The following PDE8B variants were observed in gnomAD, a reference collection of about 807,000 sequenced individuals.
PDE8B encodes high affinity cAMP-specific and IBMX-insensitive 3',5'-cyclic phosphodiesterase 8B.
PDE8B carries 26 observed loss-of-function variants against 101.3 expected under a neutral mutation model. The ratio of observed to expected loss-of-function variants is 0.26; its 90% CI spans 0.19 to 0.36. The LOEUF (loss-of-function observed/expected upper bound fraction) is 0.36, where lower values mean the gene tolerates loss of function less well. Ranked by LOEUF, PDE8B falls within the 10% of genes least tolerant of loss-of-function variation. The pLI, the probability that PDE8B is intolerant of heterozygous loss-of-function variation, is 1.00. For missense variants in PDE8B, 810 were observed against 1,163.1 expected, an observed-to-expected ratio of 0.70 and a Z score of 4.42; for synonymous variants, 424 against 429.3, an observed-to-expected ratio of 0.99 and a Z score of 0.15.
chr5:77,182,593 C>T, the PDE8B span, among the ~76,000 whole-genome samples: 37,237 of 152,026 alleles, frequency 0.24, 6,241 homozygotes, highest in East Asian at 0.82. Context: ...AGGCCGCTTA[C>T]ATCATATCTG....
At chr5:77,275,823 A>C (rs1408967162) in intron 1 of PDE8B, among the ~76,000 whole-genome samples, 1 of 152,230 alleles carries the variant, frequency 6.6e-6, no homozygotes, top group Non-Finnish European at 1.5e-5. Flanking sequence ...GAAGAAAAAG[A>C]TATCTAACCG....
At chr5:77,391,467 G>A (rs1789908817) in intron 10 of PDE8B, among the ~76,000 whole-genome samples, 1 of 152,204 alleles carries the variant, frequency 6.6e-6, no homozygotes, top group African/African-American at 2.4e-5. Flanking sequence ...GCCCAGCAAA[G>A]GCAGGTGAGC....
At chr5:77,285,166 G>T (rs549057162) in intron 1 of PDE8B, among the ~76,000 whole-genome samples, 3 of 152,240 alleles carry the variant, frequency 2.0e-5, no homozygotes, top group African/African-American at 7.2e-5. Flanking sequence ...TTCCTACCCC[G>T]AAGTCATGAA....
intron 1 of PDE8B, among the ~76,000 whole-genome samples, chr5:77,299,427 C>G (rs1342837872): frequency 1.7e-5 from 2 of 118,018 alleles, no homozygotes; most frequent in Non-Finnish European, 3.4e-5. Flanking sequence ...CCCCCCTCCC[C>G]CCACCCCACA....
At chr5:77,304,153 G>A (rs1260708844) in intron 1 of PDE8B, among the ~76,000 whole-genome samples, 5 of 152,112 alleles carry the variant, frequency 3.3e-5, no homozygotes, top group Non-Finnish European at 5.9e-5. Context: ...CACCAACAAT[G>A]TATAAGAGTT....
intron 1 of PDE8B, among the ~76,000 whole-genome samples, chr5:77,227,307 C>A (rs1752599842): frequency 6.6e-6 from 1 of 151,772 alleles, no homozygotes; most frequent in Admixed American, 6.6e-5. Flanking sequence ...TTGTTTTTTT[C>A]CTTATATAAA....
chr5:77,353,319 C>G, intron 9 of PDE8B, 27 bp from the exon 10 acceptor site: 1 of 1,226,070 alleles, frequency 8.2e-7, no homozygotes, highest in Non-Finnish European at 1.2e-6. Context: ...ATATCTGACT[C>G]ACTAATAACT....
intron 1 of PDE8B, among the ~76,000 whole-genome samples, chr5:77,227,760 G>A (rs79879057): frequency 1.3e-5 from 2 of 152,258 alleles, no homozygotes; most frequent in African/African-American, 2.4e-5. Context: ...GGGCAGACTG[G>A]TTCAGTTCAA....
At chr5:77,382,789 T>C (rs1354631725) in intron 10 of PDE8B, among the ~76,000 whole-genome samples, 2 of 152,232 alleles carry the variant, frequency 1.3e-5, no homozygotes, top group Non-Finnish European at 2.9e-5. Flanking sequence ...GGCTGCATAG[T>C]ATTCCATGGT....
At chr5:77,097,827 C>G in the PDE8B span, among the ~76,000 whole-genome samples, 486 of 145,452 alleles carry the variant, frequency 3.3e-3, 14 homozygotes, top group East Asian at 0.076. Flanking sequence ...AGTCTTAATC[C>G]TAATACTACA....
At chr5:77,178,955 T>G in the PDE8B span, among the ~76,000 whole-genome samples, 1 of 152,230 alleles carries the variant, frequency 6.6e-6, no homozygotes, top group African/African-American at 2.4e-5. Flanking sequence ...CTAGCAAAAC[T>G]GTATAACTTA....
At chr5:77,181,037 G>A in the PDE8B span, among the ~76,000 whole-genome samples, 1 of 151,732 alleles carries the variant, frequency 6.6e-6, no homozygotes, top group East Asian at 1.9e-4. Flanking sequence ...TCCAGCGCTC[G>A]GGACTCTGCA....
At chr5:77,127,285 C>A in the PDE8B span, among the ~76,000 whole-genome samples, 24 of 152,196 alleles carry the variant, frequency 1.6e-4, no homozygotes, top group African/African-American at 5.8e-4. Flanking sequence ...GGGGAGGTTT[C>A]CCCCATGCTG....
the PDE8B span, among the ~76,000 whole-genome samples, chr5:77,164,764 G>T: frequency 6.6e-6 from 1 of 152,274 alleles, no homozygotes; most frequent in East Asian, 1.9e-4. Context: ...GTGTTGGGGG[G>T]AACATGTATC....
intron 1 of PDE8B, among the ~76,000 whole-genome samples, chr5:77,226,462 T>C (rs543105629): frequency 6.6e-6 from 1 of 152,370 alleles, no homozygotes; most frequent in Non-Finnish European, 1.5e-5. Flanking sequence ...GGCTGTACTT[T>C]GTTTTATTCA....
At chr5:77,174,068 A>G in the PDE8B span, among the ~76,000 whole-genome samples, 2 of 152,210 alleles carry the variant, frequency 1.3e-5, no homozygotes, top group Non-Finnish European at 2.9e-5. Flanking sequence ...CTTGAAGGTC[A>G]GTAGTCTGTT....
intron 1 of PDE8B, among the ~76,000 whole-genome samples, chr5:77,275,387 A>G (rs1315691215): frequency 9.1e-6 from 1 of 109,640 alleles, no homozygotes; most frequent in Non-Finnish European, 2.0e-5. Context: ...CAAAAAGAGG[A>G]CCACTTAAAA....
intron 10 of PDE8B, among the ~76,000 whole-genome samples, chr5:77,356,414 C>G (rs567575838): frequency 1.3e-5 from 2 of 152,120 alleles, no homozygotes; most frequent in Non-Finnish European, 2.9e-5. Context: ...GACATTATAT[C>G]TGCTCTTGTG....
At position 77,407,293 on chromosome 5, in the gene PDE8B, G is replaced by A. The variant is rs142832717; in HGVS notation, c.1289-88G>A. 3.1e-4 allele frequency: 296 copies of A among 954,518 alleles called. 2 individuals are homozygous for A. In the African/African-American group the frequency reaches 3.5e-3, roughly 11 times the overall value. 59.1% of individuals were successfully genotyped at this position (954,518 alleles called of 1,614,324 possible). On this transcript the variant is annotated intron_variant, in intron 12 of 21. Coordinates refer to ENST00000264917, the MANE Select transcript of PDE8B (RefSeq NM_003719.5). ...GTGGGAGGGTGGCCCTGTGAGAAGC[G>A]GGCCCTGGTCCATGAAGGGACTCCT...
Sources: gnomAD v4.1 joint callset for allele counts (sites outside exome capture counted in the v4.1 genomes callset) on GRCh38, gnomAD v4.1.1 for gene constraint, MANE v1.5 for transcripts, NCBI Gene and HGNC (gene_info 2026-07-23, HGNC 2026-07-21) for gene names.